HIVEP1: variants seen among roughly 807,000 people sequenced by gnomAD.
HIVEP1 encodes HIVEP zinc finger 1, also known as zinc finger protein 40.
HIVEP1 carries 36 observed loss-of-function variants against 180.0 expected under a neutral mutation model. That is an observed-to-expected ratio of 0.20 (90% CI 0.15 to 0.26). HIVEP1 has a LOEUF of 0.26. Ranked by LOEUF, HIVEP1 falls within the 10% of genes least tolerant of loss-of-function variation. HIVEP1 has a pLI of 1.00. For synonymous variants in HIVEP1, 1,239 were observed against 1,239.0 expected, an observed-to-expected ratio of 1.00 and a Z score of 0.00; for missense variants, 3,143 against 3,268.7, an observed-to-expected ratio of 0.96 and a Z score of 0.94.
At position 12,161,517 on chromosome 6, in the gene HIVEP1, A is replaced by G; in HGVS notation, c.6566A>G (p.Glu2189Gly). The G allele has an allele frequency of 1.2e-6, 2 of 1,614,174 alleles. No homozygotes were observed. The highest frequency in any genetic ancestry group is 1.7e-6 in the Non-Finnish European group (2 of 1,179,982). ...GATGGCCCAGATGAGGATGACAATG[A>G]AAATGAAGACGATGATGAGGACAGC... ...ESDGPDEDDN[E>G]NEDDDEDSQA... The change falls in exon 8 of 9, where the codon GAA becomes GGA. Residue 2189 changes from glutamate to glycine, a missense_variant. Physicochemically the swap from Glu to Gly is moderately conservative, Grantham distance 98. Around this residue, in one of 12 missense-constraint regions of HIVEP1, gnomAD observed 126 missense variants for 168.5 expected, o/e 0.75. Coordinates refer to ENST00000379388, the MANE Select transcript of HIVEP1 (RefSeq NM_002114.4).
intron 3 of HIVEP1, among the ~76,000 whole-genome samples, chr6:12,103,756 G>A (rs2113408600): frequency 6.6e-6 from 1 of 151,750 alleles, no homozygotes; most frequent in East Asian, 1.9e-4. Context: ...TGCTTTCTTG[G>A]GCTAATTTTA....
chr6:12,178,711 C>T, the HIVEP1 span, among the ~76,000 whole-genome samples: 4 of 152,040 alleles, frequency 2.6e-5, no homozygotes, highest in Admixed American at 6.6e-5. Context: ...TAGAGCTACA[C>T]GTGCAGGCTC....
intron 2 of HIVEP1, among the ~76,000 whole-genome samples, chr6:12,024,051 C>G (rs1260041433): frequency 6.6e-6 from 1 of 152,096 alleles, no homozygotes; most frequent in African/African-American, 2.4e-5. Context: ...AACATTTTTG[C>G]AGTACTCTTC....
intron 1 of HIVEP1, among the ~76,000 whole-genome samples, chr6:12,014,226 A>G (rs1200162388): frequency 6.6e-6 from 1 of 152,252 alleles, no homozygotes; most frequent in African/African-American, 2.4e-5. Flanking sequence ...CCGGTTTGAC[A>G]CCAAGATAAG....
intron 2 of HIVEP1, among the ~76,000 whole-genome samples, chr6:12,062,761 A>G (rs1378178685): frequency 6.6e-6 from 1 of 152,226 alleles, no homozygotes; most frequent in Non-Finnish European, 1.5e-5. Context: ...TGTCATAAAG[A>G]TAAGAAAGGG....
At chr6:12,199,360 C>CTTTTTTT in the HIVEP1 span, among the ~76,000 whole-genome samples, 120 of 109,380 alleles carry the variant, frequency 1.1e-3, no homozygotes, top group East Asian at 1.8e-3. Context: ...ACTGTCAATC[C>CTTTTTTT]TTTTTTTTTT....
At chr6:12,051,051 A>G (rs1581583205) in intron 2 of HIVEP1, among the ~76,000 whole-genome samples, 2 of 113,654 alleles carry the variant, frequency 1.8e-5, no homozygotes, top group East Asian at 5.1e-4. Flanking sequence ...AATAAATATC[A>G]GGACGACAGG....
At chr6:12,207,138 G>C in the HIVEP1 span, among the ~76,000 whole-genome samples, 1 of 152,170 alleles carries the variant, frequency 6.6e-6, no homozygotes, top group Non-Finnish European at 1.5e-5. Context: ...TTCCTGATGA[G>C]TTAAGATTGC....
the HIVEP1 span, among the ~76,000 whole-genome samples, chr6:12,197,469 G>A: frequency 2.0e-5 from 3 of 148,086 alleles, no homozygotes; most frequent in Non-Finnish European, 3.0e-5. Context: ...TGAGACAGGA[G>A]AATCACTTGA....
intron 3 of HIVEP1, among the ~76,000 whole-genome samples, chr6:12,092,777 T>C (rs1001402182): frequency 6.6e-6 from 1 of 152,206 alleles, no homozygotes; most frequent in African/African-American, 2.4e-5. Flanking sequence ...AGAAAAACTT[T>C]AGACACAAAA....
At chr6:12,148,606 G>A (rs62386826) in intron 7 of HIVEP1, among the ~76,000 whole-genome samples, 62 of 152,188 alleles carry the variant, frequency 4.1e-4, no homozygotes, top group Admixed American at 7.2e-4. Flanking sequence ...AACATAATTC[G>A]AATATTAGTC....
At chr6:12,155,549 G>A (rs1157712140) in intron 7 of HIVEP1, among the ~76,000 whole-genome samples, 1 of 152,074 alleles carries the variant, frequency 6.6e-6, no homozygotes, top group Admixed American at 6.6e-5. Flanking sequence ...TGAGGATTAT[G>A]GCTTCCAAAT....
chr6:12,023,229 C>T (rs939841968), intron 2 of HIVEP1, among the ~76,000 whole-genome samples: 7 of 152,122 alleles, frequency 4.6e-5, no homozygotes, highest in African/African-American at 1.7e-4. Flanking sequence ...AATTGTGGGC[C>T]TACTCCAGTG....
downstream of HIVEP1, among the ~76,000 whole-genome samples, chr6:12,167,572 T>C (rs1411057911): frequency 1.2e-4 from 1 of 8,576 alleles, no homozygotes; most frequent in Non-Finnish European, 1.0e-3. Flanking sequence ...TACATGCATG[T>C]TATATATACG....
intron 2 of HIVEP1, among the ~76,000 whole-genome samples, chr6:12,055,770 A>G (rs1392910001): frequency 1.3e-5 from 2 of 152,242 alleles, no homozygotes; most frequent in African/African-American, 2.4e-5. Flanking sequence ...ACTATGATTA[A>G]AAGAGCCTTT....
At chr6:12,168,540 C>T (rs1453119715), downstream of HIVEP1, among the ~76,000 whole-genome samples, 1 of 151,158 alleles carries the variant, frequency 6.6e-6, no homozygotes, top group East Asian at 1.9e-4. Flanking sequence ...TACTATGGTT[C>T]AATTTAATGA....
chr6:12,103,184 GTAATAATAATAATAA>G (rs60181903), intron 3 of HIVEP1, among the ~76,000 whole-genome samples: 1 of 147,656 alleles, frequency 6.8e-6, no homozygotes, highest in African/African-American at 2.5e-5. Flanking sequence ...TGTTGATTAT[GTAATAATAATAATAA>G]TAATAATAAT....
In HIVEP1 at chr6:12,125,256, C is replaced by T; in HGVS notation, c.5461C>T (p.Pro1821Ser). 1.9e-6 allele frequency: 3 copies of T among 1,614,040 alleles called. No individual in the cohort carries two copies. The highest frequency in any genetic ancestry group is 1.3e-5 in the African/African-American group (1 of 75,002). ...GTTGGAAAAGGATGTTTTTTCTCAACCTGAAATTAGTAATGAGGCTGTTAA... is the reference window on the plus strand; with the variant it reads ...GTTGGAAAAGGATGTTTTTTCTCAATCTGAAATTAGTAATGAGGCTGTTAA... ...VMLEKDVFSQ[P>S]EISNEAVNLT... The change falls in exon 4 of 9, where the codon CCT becomes TCT. Residue 1821 changes from proline (P) to serine (S), a missense_variant. By Grantham distance (74) the Pro-to-Ser change is moderately conservative. Transcript: ENST00000379388.
At chr6:12,089,856 G>A (rs1254705962) in intron 3 of HIVEP1, among the ~76,000 whole-genome samples, 2 of 151,546 alleles carry the variant, frequency 1.3e-5, no homozygotes, top group Admixed American at 6.6e-5. Context: ...GTATTTATAT[G>A]TATATATATA....
Sources: allele counts gnomAD v4.1 joint callset (sites outside exome capture counted in the v4.1 genomes callset), GRCh38; gene constraint gnomAD v4.1.1; regional missense constraint gnomAD v4.1.1; transcripts MANE v1.5; gene names NCBI Gene and HGNC (gene_info 2026-07-23, HGNC 2026-07-21).